The following FGFR2 variants were observed in gnomAD, a reference collection of about 807,000 sequenced individuals.
FGFR2 encodes the protein BEK fibroblast growth factor receptor.
In FGFR2, 19 loss-of-function variants were observed where a neutral mutation model predicts 95.9. The ratio of observed to expected loss-of-function variants is 0.20; its 90% CI spans 0.14 to 0.29. FGFR2 has a LOEUF of 0.29. Ranked by LOEUF, FGFR2 falls within the 10% of genes least tolerant of loss-of-function variation. The pLI is 1.00. For synonymous variants in FGFR2, 392 were observed against 393.3 expected, an observed-to-expected ratio of 1.00 and a Z score of 0.04; for missense variants, 707 against 1,056.9, an observed-to-expected ratio of 0.67 and a Z score of 4.59.
At chr10:121,574,326 C>T (rs1189243001) in intron 2 of FGFR2, among the ~76,000 whole-genome samples, 2 of 151,898 alleles carry the variant, frequency 1.3e-5, no homozygotes, top group African/African-American at 2.4e-5. Flanking sequence ...GTCAGGAGTT[C>T]GAGACCGGCC....
intron 4 of FGFR2, among the ~76,000 whole-genome samples, chr10:121,558,352 T>C (rs1213085773): frequency 6.6e-6 from 1 of 152,176 alleles, no homozygotes; most frequent in African/African-American, 2.4e-5. Context: ...CTGGAGAAAA[T>C]GTGTTGCACC....
intron 2 of FGFR2, among the ~76,000 whole-genome samples, chr10:121,569,326 T>C (rs1417459995): frequency 2.0e-5 from 3 of 152,032 alleles, no homozygotes; most frequent in African/African-American, 7.2e-5. Flanking sequence ...GTTCAAGTGA[T>C]TCTCCTGCCT....
rs532043905 is a variant in FGFR2, at chr10:121,491,695, C to A, written c.1864-3582G>T. Among the ~76,000 whole-genome samples the A allele has an allele frequency of 9.2e-4, 140 of 151,840 alleles. 3 individuals are homozygous for A. The South Asian group carries it at 0.02, about 21-fold the overall frequency. ...ACCACCCTGGCTAACACAGCGAAAC[C>A]CCATCTCTACTAAAAACACAAAAAA... is the stretch of plus-strand genomic sequence containing the variant. On this transcript the variant is annotated intron_variant, in intron 13 of 17. Transcript: ENST00000358487.
intron 6 of FGFR2, among the ~76,000 whole-genome samples, chr10:121,535,554 C>A (rs1454718614): frequency 1.3e-5 from 2 of 152,280 alleles, no homozygotes; most frequent in African/African-American, 2.4e-5. Flanking sequence ...AGTGACAGGA[C>A]CTCAGTCAGA....
intron 4 of FGFR2, among the ~76,000 whole-genome samples, chr10:121,558,155 C>T (rs550407560): frequency 6.6e-6 from 1 of 152,242 alleles, no homozygotes; most frequent in East Asian, 1.9e-4. Flanking sequence ...ATAAAAATCC[C>T]TCGAACAAAT....
chr10:121,538,935 T>C (rs975965472), intron 5 of FGFR2, among the ~76,000 whole-genome samples: 1 of 152,254 alleles, frequency 6.6e-6, no homozygotes, highest in Non-Finnish European at 1.5e-5. Context: ...TATTCAGATC[T>C]GCAGGAGTAT....
chr10:121,590,600 G>T (rs1862485554), intron 2 of FGFR2, among the ~76,000 whole-genome samples: 1 of 151,946 alleles, frequency 6.6e-6, no homozygotes, highest in Non-Finnish European at 1.5e-5. Context: ...CAATTGAGTG[G>T]GCCCAACCCC....
chr10:121,583,662 T>C (rs1446614520), intron 2 of FGFR2: 2 of 153,554 alleles, frequency 1.3e-5, no homozygotes, highest in South Asian at 4.1e-4. Flanking sequence ...GGTATGGATG[T>C]GTGAGAAAGA....
intron 5 of FGFR2, among the ~76,000 whole-genome samples, chr10:121,549,196 C>T (rs1855011783): frequency 6.6e-6 from 1 of 152,070 alleles, no homozygotes; most frequent in African/African-American, 2.4e-5. Context: ...AGTGTTAAAA[C>T]AAAAAGGCAA....
At chr10:121,590,235 C>T (rs1390589510) in intron 2 of FGFR2, among the ~76,000 whole-genome samples, 2 of 152,096 alleles carry the variant, frequency 1.3e-5, no homozygotes, top group Non-Finnish European at 2.9e-5. Context: ...TTGAAAAGCC[C>T]TTTCATTTTA....
At chr10:121,532,886 T>C (rs1188281675) in intron 6 of FGFR2, among the ~76,000 whole-genome samples, 1 of 152,210 alleles carries the variant, frequency 6.6e-6, no homozygotes, top group Admixed American at 6.5e-5. Flanking sequence ...CTATCATGTC[T>C]GGGGCTGAGT....
chr10:121,571,951 A>AAT (rs1283512165), intron 2 of FGFR2, among the ~76,000 whole-genome samples: 11 of 142,520 alleles, frequency 7.7e-5, no homozygotes, highest in African/African-American at 2.6e-4. Context: ...CTCAAAAAAA[A>AAT]AATAAAAAAA....
At chr10:121,514,919 C>A (rs1335644802) in intron 9 of FGFR2, among the ~76,000 whole-genome samples, 198 bp downstream of exon 9, 2 of 152,080 alleles carry the variant, frequency 1.3e-5, no homozygotes, top group Non-Finnish European at 1.5e-5. Flanking sequence ...GGAACTGGAC[C>A]CCATTGATCC....
intron 13 of FGFR2, among the ~76,000 whole-genome samples, chr10:121,489,070 GTTTTTGTTT>G (rs1311073778): frequency 1.4e-5 from 2 of 145,446 alleles, no homozygotes; most frequent in African/African-American, 5.3e-5. Context: ...AGGTTTTCTT[GTTTTTGTTT>G]TTTTTGTTTT....
At position 121,565,514 on chromosome 10, in the gene FGFR2, T is replaced by G. The variant is rs1857543894; in HGVS notation, c.300A>C (p.Arg100Ser). 5.6e-6 allele frequency: 9 copies of G among 1,614,224 alleles called. No individual in the cohort carries two copies. Among genetic ancestry groups the G allele is most frequent in the Non-Finnish European group, 7.6e-6 (9 of 1,180,046 alleles). The change falls in exon 3 of 18, where the codon AGA becomes AGC. Residue 100 changes from arginine (R) to serine (S), a missense_variant. Coordinates refer to ENST00000358487, the MANE Select transcript of FGFR2 (RefSeq NM_000141.5). Reference protein sequence around the residue: ...EYLQIKGATPRDSGLYACTAS... With the variant: ...EYLQIKGATPSDSGLYACTAS... ...CAGTACAAGCATAGAGGCCGGAGTCTCTAGGCGTGGCGCCCTTTATCTGCA... is the reference window on the plus strand; with the variant it reads ...CAGTACAAGCATAGAGGCCGGAGTCGCTAGGCGTGGCGCCCTTTATCTGCA...
chr10:121,497,147 A>AG (rs1554914631), intron 12 of FGFR2, among the ~76,000 whole-genome samples: 20 of 150,636 alleles, frequency 1.3e-4, no homozygotes, highest in African/African-American at 4.4e-4. Context: ...AAAAAAAAAA[A>AG]AAGAAGAAGA....
intron 2 of FGFR2, among the ~76,000 whole-genome samples, chr10:121,586,048 A>G (rs1021598231): frequency 6.6e-6 from 1 of 152,214 alleles, no homozygotes; most frequent in African/African-American, 2.4e-5. Flanking sequence ...GAGCACATAC[A>G]CACACCATAG....
intron 5 of FGFR2, among the ~76,000 whole-genome samples, chr10:121,540,660 C>T (rs557367567): frequency 2.0e-5 from 3 of 152,132 alleles, no homozygotes; most frequent in Non-Finnish European, 2.9e-5. Flanking sequence ...TCTTTGCCTA[C>T]GGGGAACCAG....
At chr10:121,486,544 C>G (rs1460563408) in intron 15 of FGFR2, among the ~76,000 whole-genome samples, 1 of 152,182 alleles carries the variant, frequency 6.6e-6, no homozygotes, top group Non-Finnish European at 1.5e-5. Context: ...CAGGTTCAAG[C>G]GATTCTCCTG....
Sources: allele counts gnomAD v4.1 joint callset (sites outside exome capture counted in the v4.1 genomes callset), GRCh38; gene constraint gnomAD v4.1.1; transcripts MANE v1.5; gene names NCBI Gene and HGNC (gene_info 2026-07-23, HGNC 2026-07-21).